The following ABCD3 variants were observed in gnomAD, a reference collection of about 807,000 sequenced individuals.
ABCD3 encodes the protein ATP-binding cassette sub-family D member 3.
Under a neutral mutation model 105.5 loss-of-function variants are expected in ABCD3, and 41 were observed. The observed-to-expected ratio is 0.39, with a 90% CI of 0.30 to 0.50. The LOEUF (loss-of-function observed/expected upper bound fraction) is 0.50, where lower values mean the gene tolerates loss of function less well. Among genes scored for constraint, ABCD3 ranks in the 20% least tolerant of loss-of-function variants. The probability of loss-of-function intolerance (pLI) is 0.84; values close to 1 mark genes in which losing one functional copy is unlikely to be tolerated. For synonymous variants in ABCD3, 258 were observed against 269.0 expected, an observed-to-expected ratio of 0.96 and a Z score of 0.40; for missense variants, 622 against 806.3, an observed-to-expected ratio of 0.77 and a Z score of 2.77.
intron 1 of ABCD3, among the ~76,000 whole-genome samples, chr1:94,425,154 C>T (rs1278449172): frequency 6.6e-6 from 1 of 152,160 alleles, no homozygotes; most frequent in Non-Finnish European, 1.5e-5. Flanking sequence ...ATGCTATCAT[C>T]ACCTGCTTTT....
chr1:94,424,377 C>T (rs1050265387), intron 1 of ABCD3, among the ~76,000 whole-genome samples: 4 of 152,092 alleles, frequency 2.6e-5, no homozygotes, highest in African/African-American at 9.7e-5. Flanking sequence ...AGTCTTTTTT[C>T]AGACATCCTT....
At chr1:94,433,269 C>T (rs1228905906) in intron 1 of ABCD3, among the ~76,000 whole-genome samples, 1 of 152,088 alleles carries the variant, frequency 6.6e-6, no homozygotes, top group Non-Finnish European at 1.5e-5. Flanking sequence ...ATTCTCCTGC[C>T]TCAGCCTCCT....
rs372703915 is a variant in ABCD3, at chr1:94,465,113, G to A, written c.246+240G>A. Among the ~76,000 whole-genome samples, 19 of 152,132 alleles carry A rather than the reference G, an allele frequency of 1.2e-4. No homozygotes were observed. The South Asian group carries it at 1.7e-3, about 13-fold the overall frequency. ...AGAGAGGGAGCAAAGGGCCAAGGAG[G>A]TGCCACATACTTTTAAACAACCAGA... On this transcript the variant is annotated intron_variant, in intron 3 of 22. Transcript: ENST00000370214.
chr1:94,489,524 T>C lies in ABCD3; in HGVS notation c.1158-201T>C, dbSNP rs1009858866. On this transcript the variant is annotated intron_variant, in intron 13 of 22. Transcript: ENST00000370214. ...TTGAGTTGGGGATCCTATGGAAACC[T>C]CTTCCTTCATCCCTATATTCCTGCT... 3.9e-5 allele frequency among the ~76,000 whole-genome samples: 6 copies of C among 152,106 alleles called. No individual in the cohort carries two copies. The South Asian group carries it at 1.2e-3, about 32-fold the overall frequency.
At chr1:94,405,626 A>G in the ABCD3 span, among the ~76,000 whole-genome samples, 13 of 152,304 alleles carry the variant, frequency 8.5e-5, no homozygotes, top group East Asian at 1.3e-3. Flanking sequence ...TTTTTGCTAA[A>G]GTTGTGGGTG....
intron 13 of ABCD3, 150 bp from the exon 14 acceptor site, chr1:94,489,575 A>G: frequency 1.5e-6 from 1 of 677,836 alleles, no homozygotes; most frequent in Admixed American, 2.3e-5. Flanking sequence ...AATAAAGCAC[A>G]CATGTTATCA....
chr1:94,480,440 A>T lies in ABCD3; in HGVS notation c.685-24A>T, dbSNP rs774900221. ...ATTATTATATCCCAGAACTTTGTGTATCTTTCTCTCCCAATAATAATAGGG... is the reference window on the plus strand; with the variant it reads ...ATTATTATATCCCAGAACTTTGTGTTTCTTTCTCTCCCAATAATAATAGGG... On this transcript the variant is annotated intron_variant, in intron 8 of 22. Transcript: ENST00000370214. 5 of 1,613,382 alleles carry T rather than the reference A, an allele frequency of 3.1e-6. No homozygotes were observed. The East Asian group carries it at 8.9e-5, about 29-fold the overall frequency.
In ABCD3 at chr1:94,487,605, G is replaced by T. The variant is rs745958719; in HGVS notation, c.961G>T (p.Ala321Ser). ...FSMGFIDSIIAKYLATVVGYL... is the reference protein window; with the variant it reads ...FSMGFIDSIISKYLATVVGYL... ...AATGGGCTTCATTGATAGTATTATT[G>T]CCAAATGTAAGTATATTTTGAAAGA... is the stretch of plus-strand genomic sequence containing the variant. Residue 321 changes from alanine (A) to serine (S), a missense_variant, in exon 11 of 23, where the codon GCC (alanine) becomes TCC (serine). By Grantham distance (99) the Ala-to-Ser change is moderately conservative. This residue lies in a region of ABCD3 where 245 missense variants were observed against 356.4 expected (regional missense o/e 0.69). Coordinates refer to ENST00000370214, the MANE Select transcript of ABCD3 (RefSeq NM_002858.4). 4.0e-5 allele frequency: 65 copies of T among 1,613,372 alleles called. No individual in the cohort carries two copies. Among genetic ancestry groups the T allele is most frequent in the Non-Finnish European group, 5.3e-5 (62 of 1,179,568 alleles).
Position 94,498,646 on chromosome 1 carries a change from C to CG in ABCD3, c.1433dup (p.Ser480GlufsTer9). ...TTCTAATTTGTGGTCCAAATGGCTGCGGAAAGAGTTCACTTTTCCGTGTTC... is the reference window on the plus strand; with the variant it reads ...TTCTAATTTGTGGTCCAAATGGCTGCGGGAAAGAGTTCACTTTTCCGTGTTC... On this transcript the variant is annotated frameshift_variant, in exon 17 of 23. Coordinates refer to ENST00000370214, the MANE Select transcript of ABCD3 (RefSeq NM_002858.4). LOFTEE classifies it high-confidence loss of function. The CG allele has an allele frequency of 6.2e-7, 1 of 1,611,462 alleles. No individual in the cohort carries two copies. Among genetic ancestry groups the CG allele is most frequent in the South Asian group, 1.1e-5 (1 of 90,944 alleles).
At chr1:94,466,050 T>G (rs1293442289) in intron 3 of ABCD3, among the ~76,000 whole-genome samples, 1 of 152,148 alleles carries the variant, frequency 6.6e-6, no homozygotes, top group Non-Finnish European at 1.5e-5. Flanking sequence ...ATTCTGCCCT[T>G]GAGAAATTCT....
At chr1:94,447,435 T>A (rs1386258855) in intron 1 of ABCD3, among the ~76,000 whole-genome samples, 1 of 152,244 alleles carries the variant, frequency 6.6e-6, no homozygotes, top group Non-Finnish European at 1.5e-5. Flanking sequence ...AGACTGTTTC[T>A]TTACTATCCC....
At position 94,507,639 on chromosome 1, in the gene ABCD3, T is replaced by C. The variant is rs945268843; in HGVS notation, c.1845+997T>C. Among the ~76,000 whole-genome samples, 11 of 152,190 alleles carry C rather than the reference T, an allele frequency of 7.2e-5. No homozygotes were observed. The East Asian group carries it at 1.2e-3, about 16-fold the overall frequency. On this transcript the variant is annotated intron_variant, in intron 21 of 22. Coordinates refer to ENST00000370214, the MANE Select transcript of ABCD3 (RefSeq NM_002858.4). ...AAAAGTGTTCCTGTTTCTCCACATC[T>C]TCTCCAGCACCTGTTGTTTCCTGAC...
chr1:94,413,463 G>T (rs898505701), upstream of ABCD3, among the ~76,000 whole-genome samples: 4 of 152,176 alleles, frequency 2.6e-5, no homozygotes, highest in Admixed American at 1.3e-4. Context: ...TTGGGACCCT[G>T]ATCTAGTGAG....
At chr1:94,471,900 G>T (rs1648474637) in intron 4 of ABCD3, among the ~76,000 whole-genome samples, 1 of 151,996 alleles carries the variant, frequency 6.6e-6, no homozygotes, top group Non-Finnish European at 1.5e-5. Context: ...TTTGTTGATG[G>T]TGACTAATGA....
rs951133868 is a variant in ABCD3, at chr1:94,480,870, A to G, written c.827+264A>G. On this transcript the variant is annotated intron_variant, in intron 9 of 22. Transcript: ENST00000370214. The stretch of plus-strand genomic sequence containing the variant: ...ATTTTCTGTTAATTTTACTTCAGAC[A>G]TAATCAGTTTACAATTCAAATTTCA... 2.6e-5 allele frequency among the ~76,000 whole-genome samples: 4 copies of G among 152,254 alleles called. No individual in the cohort carries two copies. In the East Asian group the frequency reaches 5.8e-4, roughly 22 times the overall value.
At chr1:94,471,428 C>T (rs1010715785) in intron 4 of ABCD3, among the ~76,000 whole-genome samples, 1 of 148,842 alleles carries the variant, frequency 6.7e-6, no homozygotes, top group Non-Finnish European at 1.5e-5. Flanking sequence ...TGTGGTGGCA[C>T]ATACCTACAG....
At chr1:94,427,678 T>A (rs1431462445) in intron 1 of ABCD3, among the ~76,000 whole-genome samples, 3 of 152,230 alleles carry the variant, frequency 2.0e-5, no homozygotes, top group African/African-American at 7.2e-5. Flanking sequence ...TTTCACTATG[T>A]TGACCAGGCT....
At chr1:94,395,581 C>G in the ABCD3 span, among the ~76,000 whole-genome samples, 1 of 152,182 alleles carries the variant, frequency 6.6e-6, no homozygotes, top group Non-Finnish European at 1.5e-5. Flanking sequence ...CTTACCAGTG[C>G]TTCCCATTGG....
At chr1:94,425,853 A>G (rs1039379512) in intron 1 of ABCD3, among the ~76,000 whole-genome samples, 32 of 152,192 alleles carry the variant, frequency 2.1e-4, no homozygotes, top group African/African-American at 7.5e-4. Flanking sequence ...GCATAGTGTT[A>G]AAGAATAGTC....
Sources: gnomAD v4.1 joint callset for allele counts (sites outside exome capture counted in the v4.1 genomes callset) on GRCh38, gnomAD v4.1.1 for gene constraint, gnomAD v4.1.1 regional missense constraint, MANE v1.5 for transcripts, NCBI Gene and HGNC (gene_info 2026-07-23, HGNC 2026-07-21) for gene names.